The following MAB21L3 variants were observed in gnomAD, a reference collection of about 807,000 sequenced individuals.
MAB21L3 encodes the protein mab-21 like 3.
In MAB21L3, 36 loss-of-function variants were observed where a neutral mutation model predicts 37.7. That is an observed-to-expected ratio of 0.96 (90% CI 0.73 to 1.26). MAB21L3 has a LOEUF of 1.26. Ranked by LOEUF, MAB21L3 falls within the 50% of genes most tolerant of loss-of-function variation. The pLI is 0.00. For synonymous variants in MAB21L3, 186 were observed against 176.8 expected, an observed-to-expected ratio of 1.05 and a Z score of -0.41; for missense variants, 430 against 447.3, an observed-to-expected ratio of 0.96 and a Z score of 0.35.
rs1230212511 is a variant in MAB21L3, at chr1:116,137,061, A to G, written c.*3696A>G. On this transcript the variant is annotated 3_prime_UTR_variant, in exon 8 of 8. Transcript: ENST00000369500. Reference sequence around the variant, plus strand: ...AGGCATTACCATTCAGGACATAGGCATGGGCAAGGACTTCATGTCTAAAAC... The same window carrying G: ...AGGCATTACCATTCAGGACATAGGCGTGGGCAAGGACTTCATGTCTAAAAC... Among the ~76,000 whole-genome samples the G allele has an allele frequency of 4.0e-5, 4 of 100,572 alleles. No individual in the cohort carries two copies. The highest frequency in any genetic ancestry group is 7.2e-5 in the Non-Finnish European group (4 of 55,868). 66.0% of individuals were successfully genotyped at this position (100,572 alleles called of 152,430 possible). A position where few individuals can be genotyped will look rare whatever the true frequency, so the allele number is the denominator to read the frequency against.
intron 5 of MAB21L3, among the ~76,000 whole-genome samples, chr1:116,127,165 ATTAAT>A (rs201006672): frequency 0.023 from 3,542 of 152,234 alleles, 134 homozygotes; most frequent in African/African-American, 0.082. Flanking sequence ...AAAAGAATCT[ATTAAT>A]TTAAAAGAAA....
intron 3 of MAB21L3, among the ~76,000 whole-genome samples, chr1:116,115,685 A>T (rs907178562): frequency 2.6e-5 from 4 of 152,198 alleles, no homozygotes; most frequent in African/African-American, 9.7e-5. Flanking sequence ...AATGCAAGTG[A>T]GTCAGAGTGA....
intron 6 of MAB21L3, among the ~76,000 whole-genome samples, chr1:116,127,895 T>C (rs1659954916): frequency 6.6e-6 from 1 of 152,108 alleles, no homozygotes. Context: ...TAAGAAGCCC[T>C]CTGGGTGATG....
chr1:116,113,983 G>A lies in MAB21L3; in HGVS notation c.48+1320G>A, dbSNP rs1193189328. 2.0e-5 allele frequency among the ~76,000 whole-genome samples: 3 copies of A among 152,152 alleles called. No individual in the cohort carries two copies. In the East Asian group the frequency reaches 5.8e-4, roughly 29 times the overall value. On this transcript the variant is annotated intron_variant, in intron 3 of 7. Coordinates refer to ENST00000369500, the MANE Select transcript of MAB21L3 (RefSeq NM_152367.3). ...AAGAACTGGGCCCTGAGCAGGCCAA[G>A]GGCCCCAGCTCCTCCTCGCCACTTT... is the stretch of plus-strand genomic sequence containing the variant.
At chr1:116,121,931 T>C (rs1659761299) in intron 4 of MAB21L3, among the ~76,000 whole-genome samples, 1 of 152,274 alleles carries the variant, frequency 6.6e-6, no homozygotes, top group Non-Finnish European at 1.5e-5. Context: ...ATTTTTATTA[T>C]GCCACCTACC....
Position 116,124,128 on chromosome 1 carries a change from G to A in MAB21L3, c.252G>A (p.Glu84=), listed in dbSNP as rs968435160. The part of the protein sequence containing the change: ...VPIKGLAGYR[E]AREQHWRYYT... ...TAAAAGGCCTGGCCGGGTACAGGGA[G>A]GCCAGGGAGCAGCACTGGCGGTACT... is the stretch of plus-strand genomic sequence containing the variant. The change falls in exon 5 of 8, where the codon GAG becomes GAA. Residue 84 remains glutamate (E), a synonymous_variant. Transcript: ENST00000369500. 1 of 1,613,990 alleles carries A rather than the reference G, an allele frequency of 6.2e-7. No individual in the cohort carries two copies. Among genetic ancestry groups the A allele is most frequent in the African/African-American group, 1.3e-5 (1 of 74,934 alleles).
chr1:116,133,579 C>G lies in MAB21L3; in HGVS notation c.*214C>G. The G allele has an allele frequency of 3.4e-6, 2 of 595,666 alleles. No individual in the cohort carries two copies. The highest frequency in any genetic ancestry group is 6.0e-6 in the Non-Finnish European group (2 of 335,452). 36.9% of individuals were successfully genotyped at this position (595,666 alleles called of 1,614,324 possible). On this transcript the variant is annotated 3_prime_UTR_variant, in exon 8 of 8. Transcript: ENST00000369500. The stretch of plus-strand genomic sequence containing the variant: ...CCTGGAGCCCAGCAAGCATTTCTGC[C>G]CTAGCTAATTCTCCTGGAGACAGCT...
rs1184574062 is a variant in MAB21L3, at chr1:116,133,521, A to ATTTTCC, written c.*156_*157insTTTTCC. On this transcript the variant is annotated 3_prime_UTR_variant, in exon 8 of 8. Transcript: ENST00000369500. ...AACCAGAAACACTTCAGCAGGGGGA[A>ATTTTCC]AACTGTGCCCCAGGATGTCTGGCCC... 10 of 687,616 alleles carry ATTTTCC rather than the reference A, an allele frequency of 1.5e-5. No homozygotes were observed. In the African/African-American group the frequency reaches 1.6e-4, roughly 11 times the overall value. 42.6% of individuals were successfully genotyped at this position (687,616 alleles called of 1,614,324 possible). A position where few individuals can be genotyped will look rare whatever the true frequency, so the allele number is the denominator to read the frequency against.
chr1:116,124,136 A>G lies in MAB21L3; in HGVS notation c.260A>G (p.Glu87Gly). The change falls in exon 5 of 8, where the codon GAG becomes GGG. Residue 87 changes from glutamate (E) to glycine (G), a missense_variant. Coordinates refer to ENST00000369500, the MANE Select transcript of MAB21L3 (RefSeq NM_152367.3). The stretch of plus-strand genomic sequence containing the variant: ...CTGGCCGGGTACAGGGAGGCCAGGG[A>G]GCAGCACTGGCGGTACTACACACTG... Reference protein sequence around the residue: ...KGLAGYREAREQHWRYYTLQG... With the variant: ...KGLAGYREARGQHWRYYTLQG... 1 of 1,614,164 alleles carries G rather than the reference A, an allele frequency of 6.2e-7. No individual in the cohort carries two copies.
intron 7 of MAB21L3, among the ~76,000 whole-genome samples, chr1:116,128,905 T>C (rs1245379002): frequency 6.6e-6 from 1 of 152,198 alleles, no homozygotes; most frequent in East Asian, 1.9e-4. Context: ...CTTCCCTTGC[T>C]CTGCCAGCCC....
chr1:116,118,111 C>T (rs745432209), intron 3 of MAB21L3, among the ~76,000 whole-genome samples: 6 of 152,088 alleles, frequency 3.9e-5, no homozygotes, highest in Non-Finnish European at 5.9e-5. Flanking sequence ...GGGCCAGGCA[C>T]GGTGGCTCAC....
chr1:116,127,955 G>A (rs1205770010), intron 6 of MAB21L3, among the ~76,000 whole-genome samples, 190 bp from the exon 7 acceptor site: 2 of 152,112 alleles, frequency 1.3e-5, no homozygotes, highest in Non-Finnish European at 2.9e-5. Flanking sequence ...AGAGGAAGTG[G>A]GCACCATCTT....
chr1:116,123,026 C>T (rs1209550235), intron 4 of MAB21L3, among the ~76,000 whole-genome samples: 1 of 152,232 alleles, frequency 6.6e-6, no homozygotes, highest in Admixed American at 6.5e-5. Context: ...CTGATTAGGG[C>T]TTTCCCCACT....
At chr1:116,120,835 C>A (rs1363594829) in intron 3 of MAB21L3, 97 bp from the exon 4 acceptor site, 3 of 1,469,630 alleles carry the variant, frequency 2.0e-6, no homozygotes, top group Middle Eastern at 2.5e-4. Context: ...CTCCCTCAGT[C>A]ACCCCTTGCT....
intron 7 of MAB21L3, among the ~76,000 whole-genome samples, chr1:116,132,043 T>C (rs907855869): frequency 6.6e-6 from 1 of 152,068 alleles, no homozygotes; most frequent in Non-Finnish European, 1.5e-5. Flanking sequence ...GCAGATCAGG[T>C]TTGTGCAGGA....
Position 116,124,882 on chromosome 1 carries a change from CACACACAT to C in MAB21L3, c.481+533_481+540del, listed in dbSNP as rs1001389313. On this transcript the variant is annotated intron_variant, in intron 5 of 7. Transcript: ENST00000369500. ...TACAGCATATGCATACACACACACA[CACACACAT>C]ACACACACACACACACTCCCTTTTT... is the stretch of plus-strand genomic sequence containing the variant. Among the ~76,000 whole-genome samples the C allele has an allele frequency of 2.1e-3, 275 of 132,996 alleles. 1 individual carries two copies. The highest frequency in any genetic ancestry group is 7.9e-3 in the African/African-American group (232 of 29,430). 87.3% of individuals were successfully genotyped at this position (132,996 alleles called of 152,430 possible).
At chr1:116,118,793 T>C (rs142391019) in intron 3 of MAB21L3, among the ~76,000 whole-genome samples, 1 of 152,198 alleles carries the variant, frequency 6.6e-6, no homozygotes, top group Non-Finnish European at 1.5e-5. Flanking sequence ...GCCCCCTTTT[T>C]CCTAGCTAAC....
chr1:116,137,628 T>G lies in MAB21L3; in HGVS notation c.*4263T>G, dbSNP rs1660222077. ...GACCCAGCCATCCCATTACTGGGTA[T>G]ATACCCAAAGGACTATAAATCATGC... is the stretch of plus-strand genomic sequence containing the variant. On this transcript the variant is annotated 3_prime_UTR_variant, in exon 8 of 8. Coordinates refer to ENST00000369500, the MANE Select transcript of MAB21L3 (RefSeq NM_152367.3). Among the ~76,000 whole-genome samples the G allele has an allele frequency of 2.0e-5, 3 of 150,972 alleles. No individual in the cohort carries two copies. The highest frequency in any genetic ancestry group is 7.4e-5 in the African/African-American group (3 of 40,714).
In MAB21L3 at chr1:116,133,386, G is replaced by C. The variant is rs749087602; in HGVS notation, c.*21G>C. On this transcript the variant is annotated 3_prime_UTR_variant, in exon 8 of 8. Coordinates refer to ENST00000369500, the MANE Select transcript of MAB21L3 (RefSeq NM_152367.3). ...CCTGATGGTTGCCCCGGCCTGGGAG[G>C]CTCTTGGACATTTTATTCTGGCTTA... is the stretch of plus-strand genomic sequence containing the variant. 2 of 1,597,964 alleles carry C rather than the reference G, an allele frequency of 1.3e-6. No homozygotes were observed. Among genetic ancestry groups the C allele is most frequent in the East Asian group, 2.2e-5 (1 of 44,786 alleles).
Sources: allele counts gnomAD v4.1 joint callset (sites outside exome capture counted in the v4.1 genomes callset), GRCh38; gene constraint gnomAD v4.1.1; transcripts MANE v1.5; gene names NCBI Gene and HGNC (gene_info 2026-07-23, HGNC 2026-07-21).